The following CTNNAL1 variants were observed in gnomAD, a reference collection of about 807,000 sequenced individuals.
The protein encoded by CTNNAL1 is catenin alpha like 1.
A neutral mutation model predicts 93.6 loss-of-function variants in CTNNAL1; 69 were observed. The observed-to-expected ratio is 0.74, with a 90% CI of 0.61 to 0.90. The LOEUF (loss-of-function observed/expected upper bound fraction) is 0.90. Ranked by LOEUF, CTNNAL1 falls within the 40% of genes least tolerant of loss-of-function variation. The pLI, the probability that CTNNAL1 is intolerant of heterozygous loss-of-function variation, is 0.00. For synonymous variants in CTNNAL1, 286 were observed against 305.4 expected (o/e 0.94, Z 0.66); for missense variants, 836 against 862.0 (o/e 0.97, Z 0.38).
At chr9:108,947,910 AAACC>A (rs1271401829) in intron 15 of CTNNAL1, among the ~76,000 whole-genome samples, 4 of 152,242 alleles carry the variant, frequency 2.6e-5, no homozygotes, top group African/African-American at 9.6e-5. Context: ...CTACTTAGGT[AAACC>A]TAAAGCTTAT....
intron 12 of CTNNAL1, among the ~76,000 whole-genome samples, chr9:108,953,961 T>G (rs1295477474): frequency 6.6e-6 from 1 of 152,164 alleles, no homozygotes; most frequent in Non-Finnish European, 1.5e-5. Flanking sequence ...GATAAAACAT[T>G]TAAGAAAGTA....
At chr9:109,011,801 T>G (rs1348934904) in intron 1 of CTNNAL1, among the ~76,000 whole-genome samples, 4 of 152,246 alleles carry the variant, frequency 2.6e-5, no homozygotes, top group African/African-American at 7.2e-5. Context: ...CTTCACATGA[T>G]TGTTATGAGA....
chr9:108,991,095 TA>T (rs1396725931), intron 3 of CTNNAL1, among the ~76,000 whole-genome samples: 1 of 152,108 alleles, frequency 6.6e-6, no homozygotes, highest in Non-Finnish European at 1.5e-5. Flanking sequence ...GGAAAAAGAA[TA>T]AAAGAAATGA....
chr9:108,996,416 G>C (rs140973179), intron 2 of CTNNAL1, among the ~76,000 whole-genome samples: 14 of 152,274 alleles, frequency 9.2e-5, no homozygotes, highest in East Asian at 1.9e-4. Flanking sequence ...AGAAAAAAAG[G>C]CTTCTATATT....
At chr9:108,979,144 GA>G in intron 7 of CTNNAL1, 136 bp downstream of exon 7, 1 of 1,117,138 alleles carries the variant, frequency 9.0e-7, no homozygotes. Context: ...AACTAGGAGG[GA>G]AAGAAGGGAT....
intron 11 of CTNNAL1, among the ~76,000 whole-genome samples, chr9:108,963,009 A>G (rs1259709263): frequency 6.6e-6 from 1 of 152,228 alleles, no homozygotes; most frequent in African/African-American, 2.4e-5. Flanking sequence ...TCTCAGAGGA[A>G]GGAAGAGACC....
At chr9:108,972,864 G>GGGGGGGGGGGGGGGGGGGGGGGCCCCCCC in intron 8 of CTNNAL1, 31 bp from the exon 9 acceptor site, 1 of 142,586 alleles carries the variant, frequency 7.0e-6, no homozygotes, top group Non-Finnish European at 1.0e-5. Context: ...GGGGGGGTGG[G>GGGGGGGGGGGGGGGGGGGGGGGCCCCCCC]AGGGTGGAGA....
intron 14 of CTNNAL1, chr9:108,950,470 A>G (rs1830528924): frequency 1.3e-6 from 2 of 1,542,674 alleles, no homozygotes; most frequent in Non-Finnish European, 1.7e-6. Flanking sequence ...CAGCAGCAAA[A>G]TTTCTAACTC....
intron 17 of CTNNAL1, among the ~76,000 whole-genome samples, chr9:108,943,333 GA>G (rs1830302292): frequency 6.6e-6 from 1 of 152,132 alleles, no homozygotes; most frequent in Non-Finnish European, 1.5e-5. Flanking sequence ...CCAAATAGTG[GA>G]ATTAAATCCC....
At chr9:109,004,750 C>T (rs987512814) in intron 1 of CTNNAL1, among the ~76,000 whole-genome samples, 1 of 151,586 alleles carries the variant, frequency 6.6e-6, no homozygotes, top group Non-Finnish European at 1.5e-5. Context: ...CATGGCATTG[C>T]ACTCCAGCCC....
intron 11 of CTNNAL1, among the ~76,000 whole-genome samples, chr9:108,964,783 C>G (rs769561225): frequency 2.7e-4 from 41 of 152,054 alleles, no homozygotes; most frequent in Non-Finnish European, 5.1e-4. Flanking sequence ...TTAAAAATGA[C>G]TATTTCAATA....
chr9:108,964,175 AGACT>A (rs1322180410), intron 11 of CTNNAL1, among the ~76,000 whole-genome samples: 2 of 152,226 alleles, frequency 1.3e-5, no homozygotes, highest in African/African-American at 4.8e-5. Context: ...TTTGCCATTC[AGACT>A]ATCACAGAAA....
chr9:108,968,465 G>A (rs1316230866), intron 10 of CTNNAL1, among the ~76,000 whole-genome samples: 1 of 152,228 alleles, frequency 6.6e-6, no homozygotes, highest in African/African-American at 2.4e-5. Flanking sequence ...ATGGCAAGCA[G>A]GGCCTGAGGA....
rs764496776 is a variant in CTNNAL1, at chr9:108,992,804, G to C, written c.347C>G (p.Ala116Gly). Residue 116 changes from alanine (A) to glycine (G), a missense_variant, in exon 3 of 19, where the codon GCA (alanine) becomes GGA (glycine). By Grantham distance (60) the Ala-to-Gly change is moderately conservative. Transcript: ENST00000325551. Reference sequence around the variant, plus strand: ...GTTCAAGTTGGTTATGTCTGTAAGTGCTGCAATTGTTTCTCCTAACAAGAA... The same window carrying C: ...GTTCAAGTTGGTTATGTCTGTAAGTCCTGCAATTGTTTCTCCTAACAAGAA... ...EAKQAGETIA[A>G]LTDITNLNHL... is the part of the protein sequence containing the mutation. 6.2e-7 allele frequency: 1 copy of C among 1,607,846 alleles called. No homozygotes were observed. Among genetic ancestry groups the C allele is most frequent in the Admixed American group, 1.7e-5 (1 of 58,602 alleles).
At chr9:108,983,962 A>T (rs1343347390) in intron 5 of CTNNAL1, among the ~76,000 whole-genome samples, 1 of 152,240 alleles carries the variant, frequency 6.6e-6, no homozygotes. Context: ...TTTACAGAAT[A>T]AACTAAGTGC....
chr9:108,955,844 T>C lies in CTNNAL1; in HGVS notation c.1592-17A>G, dbSNP rs770820529. 6 of 1,538,604 alleles carry C rather than the reference T, an allele frequency of 3.9e-6. No individual in the cohort carries two copies. The highest frequency in any genetic ancestry group is 1.3e-5 in the South Asian group (1 of 75,596). ...ACTTCTCTCCTACAAATAACACATATAACTTAAAAAATTTTTTCTATTAAT... is the reference window on the plus strand; with the variant it reads ...ACTTCTCTCCTACAAATAACACATACAACTTAAAAAATTTTTTCTATTAAT... On this transcript the variant is annotated splice_polypyrimidine_tract_variant and intron_variant, in intron 11 of 18. Transcript: ENST00000325551.
intron 7 of CTNNAL1, among the ~76,000 whole-genome samples, chr9:108,978,205 G>C (rs1455284769): frequency 6.6e-6 from 1 of 152,150 alleles, no homozygotes; most frequent in Non-Finnish European, 1.5e-5. Context: ...TTCAGATTGT[G>C]TATCACACAG....
intron 4 of CTNNAL1, among the ~76,000 whole-genome samples, chr9:108,988,794 T>C (rs1831693527): frequency 6.6e-6 from 1 of 152,246 alleles, no homozygotes; most frequent in South Asian, 2.1e-4. Context: ...GTCACTTTTA[T>C]TTACTGTTGA....
At chr9:108,983,465 G>T in intron 5 of CTNNAL1, 150 bp from the exon 6 acceptor site, 1 of 887,434 alleles carries the variant, frequency 1.1e-6, no homozygotes, top group Non-Finnish European at 1.5e-6. Context: ...CCTCACTAAA[G>T]TGGAAGCAGG....
Sources: gnomAD v4.1 joint callset for allele counts (sites outside exome capture counted in the v4.1 genomes callset) on GRCh38, gnomAD v4.1.1 for gene constraint, MANE v1.5 for transcripts, NCBI Gene and HGNC (gene_info 2026-07-23, HGNC 2026-07-21) for gene names.